Variants in SPTB observed in about 807,000 individuals in gnomAD.
SPTB encodes spectrin beta chain, erythrocytic.
In SPTB, 45 loss-of-function variants were observed where a neutral mutation model predicts 256.2. That is an observed-to-expected ratio of 0.18 (90% confidence interval 0.14 to 0.23). The LOEUF is 0.23. SPTB is among the 10% of genes least tolerant of loss of function. The pLI is 1.00. For synonymous variants in SPTB, 1,231 were observed against 1,243.1 expected, an observed-to-expected ratio of 0.99 and a Z score of 0.21; for missense variants, 2,715 against 3,040.4, an observed-to-expected ratio of 0.89 and a Z score of 2.52.
rs1449934124 is a variant in SPTB, at chr14:64,797,770, A to G, written c.1141T>C (p.Tyr381His). 6.2e-7 allele frequency: 1 copy of G among 1,614,148 alleles called. No homozygotes were observed. The highest frequency in any genetic ancestry group is 1.7e-5 in the Admixed American group (1 of 60,020). Residue 381 changes from tyrosine (Y) to histidine (H), a missense_variant, in exon 10 of 36, where the codon TAC becomes CAC. This residue lies in a region of SPTB where 416 missense variants were observed against 571.1 expected (regional missense o/e 0.73). Coordinates refer to ENST00000644917, the MANE Select transcript of SPTB (RefSeq NM_001355436.2). ...SRMRANNQKV[Y>H]TPHDGKLVSD... Reference sequence around the variant, plus strand: ...ACTAGTTTCCCATCGTGGGGTGTGTACACTTTCTGATTGTTGGCTCTCATC... The same window carrying G: ...ACTAGTTTCCCATCGTGGGGTGTGTGCACTTTCTGATTGTTGGCTCTCATC...
At chr14:64,794,830 G>C (rs903515238) in intron 12 of SPTB, among the ~76,000 whole-genome samples, 2 of 152,240 alleles carry the variant, frequency 1.3e-5, no homozygotes, top group Admixed American at 1.3e-4. Context: ...ACATCTTACA[G>C]ATGCTCAAGC....
chr14:64,825,339 A>G lies in SPTB; in HGVS notation c.-51-2194T>C, dbSNP rs999208999. ...TGATGCCAGACCTGTGCCCAAGACC[A>G]CCCTTGTGCCTTTGAACAGCCTGTC... On this transcript the variant is annotated intron_variant, in intron 1 of 35. Transcript: ENST00000644917. The surrounding 1 kb of genome is among the most constrained non-coding windows in gnomAD (Gnocchi z 4.8). Among the ~76,000 whole-genome samples, 1 of 152,008 alleles carries G rather than the reference A, an allele frequency of 6.6e-6. No individual in the cohort carries two copies. The highest frequency in any genetic ancestry group is 2.4e-5 in the African/African-American group (1 of 41,396).
Position 64,767,707 on chromosome 14 carries a change from C to G in SPTB, c.6175G>C (p.Ala2059Pro). 2 of 1,614,216 alleles carry G rather than the reference C, an allele frequency of 1.2e-6. No homozygotes were observed. Among genetic ancestry groups the G allele is most frequent in the South Asian group, 2.2e-5 (2 of 91,086 alleles). ...KRHEAFEKST[A>P]SWAERFAALE... Reference sequence around the variant, plus strand: ...GCAGCAAAGCGCTCTGCCCAGCTGGCCGTGGACTTCTCAAAAGCCTCATGC... The same window carrying G: ...GCAGCAAAGCGCTCTGCCCAGCTGGGCGTGGACTTCTCAAAAGCCTCATGC... The change falls in exon 30 of 36, where the codon GCC becomes CCC. Residue 2059 changes from alanine to proline, a missense_variant. Physicochemically the swap from Ala to Pro is conservative, Grantham distance 27. Around this residue, in one of 4 missense-constraint regions of SPTB, gnomAD observed 2,239 missense variants for 2,384.4 expected, o/e 0.94. Coordinates refer to ENST00000644917, the MANE Select transcript of SPTB (RefSeq NM_001355436.2).
At chr14:64,864,404 GC>G (rs1277951801) in intron 1 of SPTB, among the ~76,000 whole-genome samples, 2 of 152,080 alleles carry the variant, frequency 1.3e-5, no homozygotes, top group Non-Finnish European at 2.9e-5. Context: ...AGCTATGATT[GC>G]ATCACTGTGC....
rs1219268798 is a variant in SPTB at position 64,758,957 on chromosome 14, G to A, written c.6346-5164C>T. ...GAATCAACAATGGGGGCCTTATCAG[G>A]GAAGGGGGTGGGGGAGGCTGGAGAT... On this transcript the variant is annotated intron_variant, in intron 32 of 35. Coordinates refer to ENST00000644917, the MANE Select transcript of SPTB (RefSeq NM_001355436.2). This position sits in a 1 kb window ranked among gnomAD's most constrained non-coding sequence, Gnocchi z 4.6. 6.6e-6 allele frequency among the ~76,000 whole-genome samples: 1 copy of A among 152,086 alleles called. No individual in the cohort carries two copies. Among genetic ancestry groups the A allele is most frequent in the African/African-American group, 2.4e-5 (1 of 41,400 alleles).
chr14:64,832,948 G>C (rs996145031), intron 1 of SPTB, among the ~76,000 whole-genome samples: 18 of 152,182 alleles, frequency 1.2e-4, no homozygotes, highest in African/African-American at 4.1e-4. Flanking sequence ...GGCCATCCTA[G>C]AATACAAAGA....
chr14:64,820,840 C>CTT (rs3216698), intron 2 of SPTB, among the ~76,000 whole-genome samples: 20 of 148,966 alleles, frequency 1.3e-4, no homozygotes, highest in Admixed American at 7.4e-4. Context: ...CCAGCTATTT[C>CTT]TTTTTTTTTT....
Position 64,778,713 on chromosome 14 carries a change from C to A in SPTB, c.4563+444G>T, listed in dbSNP as rs2082407744. Among the ~76,000 whole-genome samples the A allele has an allele frequency of 2.0e-5, 3 of 152,130 alleles. No homozygotes were observed. Among genetic ancestry groups the A allele is most frequent in the Non-Finnish European group, 2.9e-5 (2 of 68,018 alleles). On this transcript the variant is annotated intron_variant, in intron 22 of 35. Coordinates refer to ENST00000644917, the MANE Select transcript of SPTB (RefSeq NM_001355436.2). This position sits in a 1 kb window ranked among gnomAD's most constrained non-coding sequence, Gnocchi z 5.2. ...TCCTCATATGTCGAGAGAAATGGGG[C>A]CTACTTACCCCAAGGACACCACACA...
intron 33 of SPTB, 52 bp downstream of exon 33, chr14:64,753,485 T>A: frequency 6.2e-7 from 1 of 1,611,198 alleles, no homozygotes. Context: ...AGCAGAGAGA[T>A]CCCTGAGAGC....
Position 64,786,295 on chromosome 14 carries a change from A to G in SPTB, c.3561+109T>C, listed in dbSNP as rs1043441763. ...TTTCCCCCATGAGTGAATACAGAGT[A>G]CAAGACAAGAGTAATGTGGTCCCTG... On this transcript the variant is annotated intron_variant, in intron 16 of 35. Coordinates refer to ENST00000644917, the MANE Select transcript of SPTB (RefSeq NM_001355436.2). The surrounding 1 kb of genome is among the most constrained non-coding windows in gnomAD (Gnocchi z 5.6). The G allele has an allele frequency of 1.0e-5, 15 of 1,430,566 alleles. No homozygotes were observed. The highest frequency in any genetic ancestry group is 6.7e-5 in the Admixed American group (4 of 59,800). 88.6% of individuals were successfully genotyped at this position (1,430,566 alleles called of 1,614,324 possible). A position where few individuals can be genotyped will look rare whatever the true frequency, so the allele number is the denominator to read the frequency against.
chr14:64,757,381 T>C (rs1410603940), intron 32 of SPTB: 1 of 152,254 alleles, frequency 6.6e-6, no homozygotes, highest in Non-Finnish European at 1.5e-5. Context: ...TTCTGTTTCC[T>C]CTTAATGGGT....
chr14:64,791,661 G>T, intron 15 of SPTB, 58 bp downstream of exon 15: 1 of 1,563,820 alleles, frequency 6.4e-7, no homozygotes, highest in Non-Finnish European at 8.7e-7. Flanking sequence ...CCGGCCCCCA[G>T]CAGTGTGTCA....
chr14:64,806,464 G>A lies in SPTB; in HGVS notation c.149-1374C>T, dbSNP rs1248345481. Among the ~76,000 whole-genome samples the A allele has an allele frequency of 1.3e-5, 2 of 152,220 alleles. No individual in the cohort carries two copies. Among genetic ancestry groups the A allele is most frequent in the Non-Finnish European group, 2.9e-5 (2 of 68,036 alleles). ...CCCGGTCGGAGCAGGCTGTGTGCTC[G>A]ACTGAGCCTCAACCGTGAAAGGGCT... On this transcript the variant is annotated intron_variant, in intron 2 of 35. Transcript: ENST00000644917. This position sits in a 1 kb window ranked among gnomAD's most constrained non-coding sequence, Gnocchi z 4.1.
At chr14:64,809,262 CAAAAAAAAAA>C (rs57245539) in intron 2 of SPTB, among the ~76,000 whole-genome samples, 1 of 91,062 alleles carries the variant, frequency 1.1e-5, no homozygotes, top group African/African-American at 4.1e-5. Context: ...AACTTTGTAT[CAAAAAAAAAA>C]AAAAAAAAAA....
chr14:64,858,291 G>A (rs531114734), intron 1 of SPTB, among the ~76,000 whole-genome samples: 84 of 152,264 alleles, frequency 5.5e-4, no homozygotes, highest in Admixed American at 5.2e-4. Context: ...CTGCAGCAGC[G>A]GTGTTAAACT....
At chr14:64,763,113 A>C (rs1329945993) in intron 32 of SPTB, among the ~76,000 whole-genome samples, 1 of 152,078 alleles carries the variant, frequency 6.6e-6, no homozygotes, top group Non-Finnish European at 1.5e-5. Context: ...TCTCCATGCA[A>C]TCCACCTCCT....
chr14:64,772,881 T>C lies in SPTB; in HGVS notation c.5252A>G (p.Asn1751Ser), dbSNP rs760005477. ...GTCGATGAGTCGCTCGATGAAGGCATTCACATTGTCCACCCGCTCCTGCCC... is the reference window on the plus strand; with the variant it reads ...GTCGATGAGTCGCTCGATGAAGGCACTCACATTGTCCACCCGCTCCTGCCC... The part of the protein sequence containing the change: ...AIGQERVDNV[N>S]AFIERLIDAG... Residue 1751 changes from asparagine to serine, a missense_variant, in exon 26 of 36, where the codon AAT (asparagine) becomes AGT (serine). By Grantham distance (46) the Asn-to-Ser change is conservative. Around this residue, in one of 4 missense-constraint regions of SPTB, gnomAD observed 2,239 missense variants for 2,384.4 expected, o/e 0.94. Coordinates refer to ENST00000644917, the MANE Select transcript of SPTB (RefSeq NM_001355436.2). This position sits in a 1 kb window ranked among gnomAD's most constrained non-coding sequence, Gnocchi z 5.4. The C allele has an allele frequency of 1.9e-6, 3 of 1,609,164 alleles. No homozygotes were observed. The highest frequency in any genetic ancestry group is 1.1e-5 in the South Asian group (1 of 90,996).
intron 32 of SPTB, among the ~76,000 whole-genome samples, chr14:64,762,386 G>C (rs1189522001): frequency 2.0e-5 from 3 of 152,184 alleles, no homozygotes; most frequent in Non-Finnish European, 2.9e-5. Flanking sequence ...CCCACCACTG[G>C]CTGCTGATTA....
At chr14:64,843,712 G>A (rs539724234) in intron 1 of SPTB, among the ~76,000 whole-genome samples, 27 of 152,332 alleles carry the variant, frequency 1.8e-4, no homozygotes, top group African/African-American at 6.0e-4. Flanking sequence ...GACTGGGAGA[G>A]AAGAGTGGGT....
Sources: allele counts gnomAD v4.1 joint callset (sites outside exome capture counted in the v4.1 genomes callset), GRCh38; gene constraint gnomAD v4.1.1; regional missense constraint gnomAD v4.1.1; non-coding constraint Gnocchi (gnomAD v3.1); transcripts MANE v1.5; gene names NCBI Gene and HGNC (gene_info 2026-07-23, HGNC 2026-07-21).